The following GFRA1 variants were observed in gnomAD, a reference collection of about 807,000 sequenced individuals.
The protein encoded by GFRA1 is GDNF family receptor alpha 1.
In GFRA1, 16 loss-of-function variants were observed where a neutral mutation model predicts 51.6. The ratio of observed to expected loss-of-function variants is 0.31; its 90% CI spans 0.21 to 0.47. The LOEUF (loss-of-function observed/expected upper bound fraction) is 0.47. Ranked by LOEUF, GFRA1 falls within the 20% of genes least tolerant of loss-of-function variation. The pLI is 1.00. For synonymous variants in GFRA1, 270 were observed against 241.3 expected (o/e 1.12, Z -1.10); for missense variants, 530 against 594.3 (o/e 0.89, Z 1.13).
At chr10:116,191,302 G>T (rs1048493112) in intron 5 of GFRA1, among the ~76,000 whole-genome samples, 1 of 152,132 alleles carries the variant, frequency 6.6e-6, no homozygotes, top group African/African-American at 2.4e-5. Flanking sequence ...ACCATAAAAG[G>T]CTAGAGCCTC....
intron 5 of GFRA1, among the ~76,000 whole-genome samples, chr10:116,155,270 C>A (rs1297591955): frequency 1.3e-5 from 2 of 152,152 alleles, no homozygotes; most frequent in African/African-American, 4.8e-5. Context: ...TTCATCCAGT[C>A]TCTTGGGCTC....
chr10:116,205,034 T>C (rs564059256), intron 5 of GFRA1, among the ~76,000 whole-genome samples: 45 of 152,202 alleles, frequency 3.0e-4, no homozygotes, highest in Non-Finnish European at 4.4e-4. Flanking sequence ...GTGCCCTTGA[T>C]ATGATGTGAC....
chr10:116,208,281 A>T (rs2134427887), intron 5 of GFRA1, among the ~76,000 whole-genome samples: 1 of 152,140 alleles, frequency 6.6e-6, no homozygotes, highest in South Asian at 2.1e-4. Flanking sequence ...TCACCCTGAG[A>T]TATTTTCTTC....
chr10:116,145,440 CTTAATTA>C (rs769790008), intron 5 of GFRA1, among the ~76,000 whole-genome samples: 10 of 11,156 alleles, frequency 9.0e-4, no homozygotes, highest in East Asian at 0.042. Context: ...ACAAAGGGAA[CTTAATTA>C]TTAAGGAAAA....
intron 6 of GFRA1, among the ~76,000 whole-genome samples, chr10:116,102,161 G>A (rs2133932872): frequency 6.6e-6 from 1 of 152,326 alleles, no homozygotes; most frequent in Non-Finnish European, 1.5e-5. Flanking sequence ...CACAGGAACA[G>A]GAACTGCCAA....
intron 5 of GFRA1, among the ~76,000 whole-genome samples, chr10:116,165,492 C>A (rs561425641): frequency 5.6e-4 from 86 of 152,316 alleles, no homozygotes; most frequent in Non-Finnish European, 9.4e-4. Context: ...CCATAAACAG[C>A]ATTTTCCTTG....
At chr10:116,208,829 A>G (rs1303676637) in intron 5 of GFRA1, among the ~76,000 whole-genome samples, 3 of 152,230 alleles carry the variant, frequency 2.0e-5, no homozygotes, top group East Asian at 3.8e-4. Flanking sequence ...TCATTAGTAA[A>G]TGATTGGTAT....
chr10:116,233,707 C>G (rs1478542273), intron 4 of GFRA1, among the ~76,000 whole-genome samples: 2 of 152,196 alleles, frequency 1.3e-5, no homozygotes, highest in Non-Finnish European at 2.9e-5. Context: ...CAGGATCTTC[C>G]TCTTTCAAGG....
intron 5 of GFRA1, among the ~76,000 whole-genome samples, chr10:116,188,991 A>T (rs139063445): frequency 2.6e-4 from 39 of 151,376 alleles, no homozygotes; most frequent in African/African-American, 9.2e-4. Context: ...ATGGTGGCTC[A>T]TGCCTCTAAT....
intron 6 of GFRA1, among the ~76,000 whole-genome samples, chr10:116,099,686 T>C (rs1399547454): frequency 6.6e-6 from 1 of 152,222 alleles, no homozygotes. Context: ...CACTGACTGA[T>C]GTGTCAAGTG....
intron 5 of GFRA1, among the ~76,000 whole-genome samples, chr10:116,128,587 T>C (rs2134038512): frequency 6.6e-6 from 1 of 151,858 alleles, no homozygotes; most frequent in Admixed American, 6.6e-5. Context: ...TTAGCCAGGC[T>C]TGGTGGCGGG....
intron 5 of GFRA1, among the ~76,000 whole-genome samples, chr10:116,155,727 G>A (rs1298311801): frequency 1.3e-5 from 2 of 152,172 alleles, no homozygotes; most frequent in African/African-American, 4.8e-5. Context: ...AAAAATGGAA[G>A]GTTTGGCTGT....
intron 5 of GFRA1, among the ~76,000 whole-genome samples, chr10:116,127,942 G>C (rs1027554251): frequency 1.3e-5 from 2 of 152,182 alleles, no homozygotes; most frequent in African/African-American, 4.8e-5. Context: ...CTTAACATTT[G>C]TATTGATGTT....
chr10:116,089,793 C>T lies in GFRA1; in HGVS notation c.1145G>A (p.Gly382Glu), dbSNP rs188589811. 16 of 1,614,074 alleles carry T rather than the reference C, an allele frequency of 9.9e-6. No homozygotes were observed. In the South Asian group the frequency reaches 1.8e-4, roughly 18 times the overall value. ...RVKNKPLGPA[G>E]SENEIPTHVL... Reference sequence around the variant, plus strand: ...ATGAGTGGGAATTTCATTCTCAGACCCTGCTGGCCCCAGGGGCTTGTTCTT... The same window carrying T: ...ATGAGTGGGAATTTCATTCTCAGACTCTGCTGGCCCCAGGGGCTTGTTCTT... Residue 382 changes from glycine to glutamate, a missense_variant, in exon 9 of 11, where the codon GGG becomes GAG. Coordinates refer to ENST00000355422, the MANE Select transcript of GFRA1 (RefSeq NM_005264.8).
At chr10:116,081,552 A>G (rs73363886) in intron 9 of GFRA1, among the ~76,000 whole-genome samples, 2,097 of 152,260 alleles carry the variant, frequency 0.014, 52 homozygotes, top group African/African-American at 0.048. Context: ...CTCCTGATCA[A>G]GTATCTGTGT....
upstream of GFRA1, chr10:116,273,444 G>T (rs1362856909): frequency 6.6e-6 from 1 of 152,140 alleles, no homozygotes; most frequent in Non-Finnish European, 1.5e-5. Flanking sequence ...GGCGTGTTCC[G>T]AGGCCAGATT....
chr10:116,180,873 C>T (rs927221217), intron 5 of GFRA1, among the ~76,000 whole-genome samples: 8 of 152,118 alleles, frequency 5.3e-5, no homozygotes, highest in Non-Finnish European at 1.2e-4. Flanking sequence ...AGAAAGCAAC[C>T]TTTTCCTGAG....
In GFRA1 at chr10:116,061,859, A is replaced by G. The variant is rs1167911579; in HGVS notation, c.*2539T>C. On this transcript the variant is annotated 3_prime_UTR_variant, in exon 11 of 11. Coordinates refer to ENST00000355422, the MANE Select transcript of GFRA1 (RefSeq NM_005264.8). ...TGTTTTAGGGTCACCGTGTCAAACT[A>G]AGATCACACTGAATGGCGGAAACCT... 13 of 397,224 alleles carry G rather than the reference A, an allele frequency of 3.3e-5. No homozygotes were observed. In the East Asian group the frequency reaches 3.9e-4, roughly 12 times the overall value. The allele number at this position is 397,224 out of a possible 1,614,324, so 24.6% of individuals were successfully genotyped here.
At chr10:116,220,297 A>C (rs1188533335) in intron 4 of GFRA1, among the ~76,000 whole-genome samples, 1 of 152,104 alleles carries the variant, frequency 6.6e-6, no homozygotes, top group Non-Finnish European at 1.5e-5. Context: ...CAACGCACCC[A>C]CCCAACATAC....
Sources: gnomAD v4.1 joint callset for allele counts (sites outside exome capture counted in the v4.1 genomes callset) on GRCh38, gnomAD v4.1.1 for gene constraint, MANE v1.5 for transcripts, NCBI Gene and HGNC (gene_info 2026-07-23, HGNC 2026-07-21) for gene names.